The following PDE1C variants were observed in gnomAD, a reference collection of about 807,000 sequenced individuals.
PDE1C encodes the protein dual specificity calcium/calmodulin-dependent 3',5'-cyclic nucleotide phosphodiesterase 1C.
A neutral mutation model predicts 93.1 loss-of-function variants in PDE1C; 62 were observed. The ratio of observed to expected loss-of-function variants is 0.67; its 90% CI spans 0.54 to 0.82. PDE1C has a LOEUF of 0.82. PDE1C is among the 40% of genes least tolerant of loss of function. PDE1C has a pLI of 0.00. For missense variants in PDE1C, 742 were observed against 884.6 expected, an observed-to-expected ratio of 0.84 and a Z score of 2.04; for synonymous variants, 325 against 310.1, an observed-to-expected ratio of 1.05 and a Z score of -0.50.
intron 2 of PDE1C, among the ~76,000 whole-genome samples, chr7:31,894,756 T>C (rs978300906): frequency 2.0e-5 from 3 of 152,192 alleles, no homozygotes; most frequent in East Asian, 1.9e-4. Flanking sequence ...AATGCACTGA[T>C]GTGTGACAGA....
At chr7:31,777,850 T>C (rs1215256229) in intron 16 of PDE1C, among the ~76,000 whole-genome samples, 1 of 152,124 alleles carries the variant, frequency 6.6e-6, no homozygotes, top group East Asian at 1.9e-4. Context: ...ACTTTATTTC[T>C]CCATTTTCCA....
intron 2 of PDE1C, among the ~76,000 whole-genome samples, chr7:32,033,488 C>CA (rs1174632545): frequency 1.3e-5 from 2 of 151,980 alleles, no homozygotes; most frequent in Non-Finnish European, 2.9e-5. Flanking sequence ...AAACAAAAAA[C>CA]AAAAAAACCT....
chr7:31,820,895 T>C (rs1399360559), intron 14 of PDE1C: 1 of 151,714 alleles, frequency 6.6e-6, no homozygotes, highest in Non-Finnish European at 1.5e-5. Flanking sequence ...GCTTTCTCAG[T>C]GCTTTATAGG....
At chr7:31,695,846 A>G in the PDE1C span, 7 of 356,238 alleles carry the variant, frequency 2.0e-5, no homozygotes, top group East Asian at 4.7e-5. Context: ...TTACCTACCA[A>G]TAGTGAAACC....
intron 3 of PDE1C, among the ~76,000 whole-genome samples, chr7:32,124,813 C>T (rs141181018): frequency 0.11 from 17,055 of 152,154 alleles, 1,118 homozygotes; most frequent in Middle Eastern, 0.17. Flanking sequence ...TAGGCATGGG[C>T]AAAGATTTCA....
At chr7:31,914,489 T>C (rs6462313) in intron 2 of PDE1C, among the ~76,000 whole-genome samples, 1,845 of 152,304 alleles carry the variant, frequency 0.012, 38 homozygotes, top group African/African-American at 0.04. Flanking sequence ...ATAAGAGGAA[T>C]CTAGTGAAAG....
intron 1 of PDE1C, among the ~76,000 whole-genome samples, chr7:32,244,482 T>C (rs1808773222): frequency 6.6e-6 from 1 of 152,182 alleles, no homozygotes; most frequent in Admixed American, 6.5e-5. Flanking sequence ...AGTCCTGACA[T>C]TGAACATAGA....
chr7:31,942,688 G>A (rs185696917), intron 2 of PDE1C, among the ~76,000 whole-genome samples: 1 of 152,112 alleles, frequency 6.6e-6, no homozygotes, highest in Non-Finnish European at 1.5e-5. Flanking sequence ...TCTAGAGACA[G>A]TAATAAGAAA....
At chr7:31,643,636 C>T in the PDE1C span, 2 of 1,614,046 alleles carry the variant, frequency 1.2e-6, no homozygotes, top group Non-Finnish European at 8.5e-7. Flanking sequence ...AAAAGCAAGA[C>T]AGTTAAATGA....
chr7:31,690,876 T>A, the PDE1C span, among the ~76,000 whole-genome samples: 1 of 152,222 alleles, frequency 6.6e-6, no homozygotes, highest in African/African-American at 2.4e-5. Flanking sequence ...ATGAATATTT[T>A]CAACAGATCC....
intron 1 of PDE1C, among the ~76,000 whole-genome samples, chr7:32,063,394 C>T (rs1325027937): frequency 6.6e-6 from 1 of 152,172 alleles, no homozygotes; most frequent in Non-Finnish European, 1.5e-5. Context: ...GGAAAGTAGT[C>T]TTCCATGAGC....
At chr7:31,796,008 T>C (rs1268603485) in intron 16 of PDE1C, among the ~76,000 whole-genome samples, 1 of 151,424 alleles carries the variant, frequency 6.6e-6, no homozygotes, top group Non-Finnish European at 1.5e-5. Context: ...ACCAGATGCA[T>C]GAGAATAACA....
chr7:31,845,792 A>G (rs1343988121), intron 9 of PDE1C, among the ~76,000 whole-genome samples: 1 of 152,144 alleles, frequency 6.6e-6, no homozygotes, highest in African/African-American at 2.4e-5. Context: ...GGAGTTCGAG[A>G]CCAGCCTGAC....
intron 1 of PDE1C, among the ~76,000 whole-genome samples, chr7:32,337,118 C>A (rs1178831698): frequency 6.6e-6 from 1 of 152,098 alleles, no homozygotes; most frequent in Admixed American, 6.6e-5. Flanking sequence ...CCTAGAGAGG[C>A]TCCCTACCTC....
intron 2 of PDE1C, among the ~76,000 whole-genome samples, chr7:31,903,359 A>T (rs1309620503): frequency 6.6e-6 from 1 of 152,064 alleles, no homozygotes. Flanking sequence ...ATTTTCTGCT[A>T]GAAATTAAAG....
At chr7:31,684,616 A>G in the PDE1C span, among the ~76,000 whole-genome samples, 1 of 152,254 alleles carries the variant, frequency 6.6e-6, no homozygotes, top group Admixed American at 6.5e-5. Flanking sequence ...GACATGAAGT[A>G]ACATTTCACC....
chr7:32,205,962 G>C (rs984872775), intron 2 of PDE1C, among the ~76,000 whole-genome samples: 1 of 152,160 alleles, frequency 6.6e-6, no homozygotes, highest in Non-Finnish European at 1.5e-5. Context: ...CACCAGGTGG[G>C]TCCATGTTTT....
intron 1 of PDE1C, among the ~76,000 whole-genome samples, chr7:32,417,274 A>G (rs926231291): frequency 6.8e-6 from 1 of 147,794 alleles, no homozygotes; most frequent in Admixed American, 6.6e-5. Flanking sequence ...TTAGAAAGTG[A>G]TGACTTTTTT....
chr7:32,355,206 C>A (rs771720286), intron 1 of PDE1C, among the ~76,000 whole-genome samples: 31 of 152,208 alleles, frequency 2.0e-4, no homozygotes, highest in Non-Finnish European at 3.4e-4. Flanking sequence ...AGTCAATCTC[C>A]GCGAACATGA....
Sources: allele counts gnomAD v4.1 joint callset (sites outside exome capture counted in the v4.1 genomes callset), GRCh38; gene constraint gnomAD v4.1.1; transcripts MANE v1.5; gene names NCBI Gene and HGNC (gene_info 2026-07-23, HGNC 2026-07-21).